The following ANO6 variants were observed in gnomAD, a reference collection of about 807,000 sequenced individuals.
ANO6 encodes anoctamin-6.
ANO6 carries 106 observed loss-of-function variants against 117.5 expected under a neutral mutation model. That is an observed-to-expected ratio of 0.90 (90% CI 0.77 to 1.06). ANO6 has a LOEUF of 1.06. Ranked by LOEUF, ANO6 falls within the 50% of genes least tolerant of loss-of-function variation. The pLI is 0.00. For synonymous variants in ANO6, 367 were observed against 385.1 expected (o/e 0.95, Z 0.55); for missense variants, 955 against 1,121.1 (o/e 0.85, Z 2.12).
At chr12:45,425,101 A>G (rs949938379) in intron 19 of ANO6, among the ~76,000 whole-genome samples, 6 of 152,224 alleles carry the variant, frequency 3.9e-5, no homozygotes, top group African/African-American at 1.2e-4. Flanking sequence ...TTAAAAAGCA[A>G]GAAACTAAAA....
At chr12:45,341,772 G>A (rs545172390) in intron 3 of ANO6, among the ~76,000 whole-genome samples, 2 of 152,260 alleles carry the variant, frequency 1.3e-5, no homozygotes, top group African/African-American at 4.8e-5. Flanking sequence ...GGCAGAGTGA[G>A]TGGGGTTGCC....
chr12:45,348,572 T>C lies in ANO6; in HGVS notation c.688T>C (p.Phe230Leu), dbSNP rs1941204157. The change falls in exon 6 of 20, where the codon TTT becomes CTT. Residue 230 changes from phenylalanine (F) to leucine (L), a missense_variant. Physicochemically the swap from Phe to Leu is conservative, Grantham distance 22 (BLOSUM62 0). Coordinates refer to ENST00000320560, the MANE Select transcript of ANO6 (RefSeq NM_001025356.3). Reference protein sequence around the residue: ...KYQVINNVSKFGINRLVNSGI... With the variant: ...KYQVINNVSKLGINRLVNSGI... ...TCAAGTGATAAACAATGTTAGCAAG[T>C]TTGGGATCAACAGACTTGTAAACTC... 2 of 1,613,902 alleles carry C rather than the reference T, an allele frequency of 1.2e-6. No homozygotes were observed. Among genetic ancestry groups the C allele is most frequent in the Non-Finnish European group, 1.7e-6 (2 of 1,179,964 alleles).
intron 9 of ANO6, among the ~76,000 whole-genome samples, chr12:45,368,088 CT>C (rs933223172): frequency 6.6e-6 from 1 of 152,152 alleles, no homozygotes; most frequent in African/African-American, 2.4e-5. Context: ...CCCATTTTAT[CT>C]TATAAATACT....
intron 9 of ANO6, among the ~76,000 whole-genome samples, chr12:45,373,673 G>C (rs1249271110): frequency 1.3e-5 from 2 of 152,124 alleles, no homozygotes; most frequent in African/African-American, 4.8e-5. Flanking sequence ...TGAGAACAAA[G>C]ACACAACATA....
At chr12:45,283,353 G>T (rs1468439201) in intron 1 of ANO6, among the ~76,000 whole-genome samples, 1 of 152,128 alleles carries the variant, frequency 6.6e-6, no homozygotes, top group African/African-American at 2.4e-5. Context: ...AGTCCTGTGG[G>T]AATGGGAGTC....
chr12:45,222,534 T>C (rs963746452), intron 1 of ANO6, among the ~76,000 whole-genome samples: 11 of 152,188 alleles, frequency 7.2e-5, no homozygotes, highest in African/African-American at 2.4e-4. Flanking sequence ...ATGACACATA[T>C]GTTTTTGTCC....
intron 17 of ANO6, 118 bp from the exon 18 acceptor site, chr12:45,420,943 TGAACCCAAGA>T (rs1159306932): frequency 4.7e-5 from 47 of 1,003,062 alleles, no homozygotes; most frequent in Non-Finnish European, 2.0e-5. Context: ...GAGAATTTTT[TGAACCCAAGA>T]GGTGGAGGTT....
chr12:45,225,833 A>G (rs766560231), intron 1 of ANO6, among the ~76,000 whole-genome samples: 3 of 152,214 alleles, frequency 2.0e-5, no homozygotes, highest in Admixed American at 6.5e-5. Flanking sequence ...TCTGATTATA[A>G]TGAATTCAGG....
intron 3 of ANO6, among the ~76,000 whole-genome samples, chr12:45,332,791 C>T (rs1006158832): frequency 6.6e-6 from 1 of 152,004 alleles, no homozygotes; most frequent in Admixed American, 6.6e-5. Context: ...CGAATATCAA[C>T]ATAGATAAAT....
chr12:45,340,800 A>G (rs1267183395), intron 3 of ANO6, among the ~76,000 whole-genome samples: 1 of 152,182 alleles, frequency 6.6e-6, no homozygotes, highest in Non-Finnish European at 1.5e-5. Flanking sequence ...TGTAAATTCT[A>G]CAGTGAAGTA....
intron 1 of ANO6, among the ~76,000 whole-genome samples, chr12:45,254,472 C>A (rs1937739740): frequency 6.6e-6 from 1 of 152,164 alleles, no homozygotes; most frequent in Non-Finnish European, 1.5e-5. Flanking sequence ...TTTTCTGTCT[C>A]CTAGAAGACA....
At chr12:45,376,819 A>T (rs1478151238) in intron 9 of ANO6, among the ~76,000 whole-genome samples, 4 of 151,922 alleles carry the variant, frequency 2.6e-5, no homozygotes, top group Non-Finnish European at 4.4e-5. Context: ...AACCTGAACA[A>T]TGTGCACATG....
At chr12:45,362,708 T>C (rs1440739070) in intron 8 of ANO6, among the ~76,000 whole-genome samples, 2 of 152,146 alleles carry the variant, frequency 1.3e-5, no homozygotes, top group Non-Finnish European at 2.9e-5. Context: ...TTTAGTGGCT[T>C]CCCTGGGGAT....
At chr12:45,248,010 T>C (rs1469412416) in intron 1 of ANO6, among the ~76,000 whole-genome samples, 2 of 152,254 alleles carry the variant, frequency 1.3e-5, no homozygotes, top group East Asian at 3.8e-4. Flanking sequence ...ATAATCTATA[T>C]TGTCTCATTT....
chr12:45,238,714 C>A (rs953448336), intron 1 of ANO6, among the ~76,000 whole-genome samples: 3 of 152,134 alleles, frequency 2.0e-5, no homozygotes, highest in African/African-American at 4.8e-5. Context: ...AGATATGTTC[C>A]ATCAATACCT....
chr12:45,273,736 A>G (rs11182957), intron 1 of ANO6, among the ~76,000 whole-genome samples: 8,266 of 152,246 alleles, frequency 0.054, 539 homozygotes, highest in East Asian at 0.35. Context: ...AGCCATTTCT[A>G]TTTCACAGGC....
chr12:45,247,884 A>G (rs891370437), intron 1 of ANO6, among the ~76,000 whole-genome samples: 1 of 152,176 alleles, frequency 6.6e-6, no homozygotes, highest in African/African-American at 2.4e-5. Flanking sequence ...CAACATATAC[A>G]TTTGGAAGGA....
intron 9 of ANO6, among the ~76,000 whole-genome samples, chr12:45,368,643 C>G (rs954711028): frequency 6.6e-6 from 1 of 152,124 alleles, no homozygotes; most frequent in African/African-American, 2.4e-5. Flanking sequence ...AGATGGTCAG[C>G]TTATTTCAGA....
intron 12 of ANO6, among the ~76,000 whole-genome samples, chr12:45,398,691 A>G (rs894825391): frequency 1.3e-5 from 2 of 152,124 alleles, no homozygotes; most frequent in Non-Finnish European, 2.9e-5. Flanking sequence ...TTGTGCGGCG[A>G]TGAGAAAGTA....
Sources: gnomAD v4.1 joint callset for allele counts (sites outside exome capture counted in the v4.1 genomes callset) on GRCh38, gnomAD v4.1.1 for gene constraint, MANE v1.5 for transcripts, NCBI Gene and HGNC (gene_info 2026-07-23, HGNC 2026-07-21) for gene names.